Variants in MGAT4C observed in about 807,000 individuals in gnomAD.
The protein encoded by MGAT4C is MGAT4 family member C.
Under a neutral mutation model 40.1 loss-of-function variants are expected in MGAT4C, and 19 were observed. The observed-to-expected ratio is 0.47, with a 90% CI of 0.33 to 0.70. The LOEUF (loss-of-function observed/expected upper bound fraction) is 0.70. Ranked by LOEUF, MGAT4C falls within the 30% of genes least tolerant of loss-of-function variation. The pLI, the probability that MGAT4C is intolerant of heterozygous loss-of-function variation, is 0.02. For synonymous variants in MGAT4C, 181 were observed against 187.1 expected (o/e 0.97, Z 0.27); for missense variants, 491 against 563.2 (o/e 0.87, Z 1.30).
intron 3 of MGAT4C, among the ~76,000 whole-genome samples, chr12:86,363,459 T>G (rs989924174): frequency 3.3e-5 from 5 of 152,102 alleles, no homozygotes; most frequent in African/African-American, 1.2e-4. Flanking sequence ...ATGCAGCTAA[T>G]TCAGAGTTGG....
At chr12:86,025,467 C>T (rs1249566033) in intron 2 of MGAT4C, among the ~76,000 whole-genome samples, 2 of 151,560 alleles carry the variant, frequency 1.3e-5, no homozygotes, top group East Asian at 3.9e-4. Context: ...ACTTAAATTT[C>T]TATATTCAAT....
At chr12:86,696,430 T>C (rs1950260249) in intron 2 of MGAT4C, among the ~76,000 whole-genome samples, 1 of 152,070 alleles carries the variant, frequency 6.6e-6, no homozygotes, top group Admixed American at 6.6e-5. Flanking sequence ...AATAAATAAA[T>C]AATTAAGTAA....
chr12:86,433,263 T>A (rs529127335), intron 3 of MGAT4C, among the ~76,000 whole-genome samples: 1 of 151,872 alleles, frequency 6.6e-6, no homozygotes, highest in Non-Finnish European at 1.5e-5. Flanking sequence ...CACACACATA[T>A]ATTTATAACT....
chr12:86,750,602 T>C (rs1223002962), intron 1 of MGAT4C, among the ~76,000 whole-genome samples: 1 of 151,852 alleles, frequency 6.6e-6, no homozygotes, highest in African/African-American at 2.4e-5. Context: ...TTTGGGAAGA[T>C]ATTATAGTAA....
At chr12:86,070,236 C>G (rs570131788) in intron 1 of MGAT4C, among the ~76,000 whole-genome samples, 9 of 152,060 alleles carry the variant, frequency 5.9e-5, no homozygotes, top group Admixed American at 5.9e-4. Context: ...AACAGGCATT[C>G]TAATATACCT....
intron 1 of MGAT4C, among the ~76,000 whole-genome samples, chr12:86,104,421 C>T (rs1875754099): frequency 6.6e-6 from 1 of 151,962 alleles, no homozygotes; most frequent in Non-Finnish European, 1.5e-5. Context: ...GCGTAGGTGA[C>T]AGAACAAGAC....
chr12:86,696,221 A>G (rs1950256005), intron 2 of MGAT4C, among the ~76,000 whole-genome samples: 2 of 152,206 alleles, frequency 1.3e-5, no homozygotes, highest in African/African-American at 4.8e-5. Flanking sequence ...TCAGAAAAAA[A>G]AAAAGTATAA....
chr12:86,302,877 G>T (rs1221380945), intron 4 of MGAT4C, among the ~76,000 whole-genome samples: 1 of 150,724 alleles, frequency 6.6e-6, no homozygotes, highest in African/African-American at 2.5e-5. Context: ...AATTTGAATT[G>T]AGGAATGGTG....
chr12:86,376,798 G>C (rs1239359897), intron 3 of MGAT4C, among the ~76,000 whole-genome samples: 2 of 139,624 alleles, frequency 1.4e-5, no homozygotes, highest in African/African-American at 2.7e-5. Context: ...GACAGAGAGA[G>C]AGAGACAGAG....
chr12:86,459,461 G>A (rs1957559695), intron 2 of MGAT4C, among the ~76,000 whole-genome samples: 1 of 151,960 alleles, frequency 6.6e-6, no homozygotes, highest in African/African-American at 2.4e-5. Context: ...CACATAGGAA[G>A]GGTCTGCAGG....
At chr12:86,802,258 C>T (rs575264132) in intron 1 of MGAT4C, among the ~76,000 whole-genome samples, 3 of 152,012 alleles carry the variant, frequency 2.0e-5, no homozygotes, top group South Asian at 2.1e-4. Flanking sequence ...AGATTTGCTA[C>T]TCAGGTATGA....
chr12:86,528,592 G>A (rs1313631030), intron 2 of MGAT4C, among the ~76,000 whole-genome samples: 1 of 151,838 alleles, frequency 6.6e-6, no homozygotes, highest in Admixed American at 6.6e-5. Flanking sequence ...CTGATGACTG[G>A]TAGAAAATTA....
Position 86,121,988 on chromosome 12 carries a change from A to G in MGAT4C, c.-56-72265T>C, listed in dbSNP as rs1355401778. On this transcript the variant is annotated intron_variant, in intron 1 of 4. Coordinates refer to ENST00000611864, the MANE Select transcript of MGAT4C (RefSeq NM_001351288.2). Reference sequence around the variant, plus strand: ...AATAATGAACGTGAAACATTAACACAAGTATATTCTCTTTTAATTATTTGT... The same window carrying G: ...AATAATGAACGTGAAACATTAACACGAGTATATTCTCTTTTAATTATTTGT... Among the ~76,000 whole-genome samples the G allele has an allele frequency of 2.0e-5, 3 of 152,330 alleles. No individual in the cohort carries two copies. In the East Asian group the frequency reaches 5.8e-4, roughly 29 times the overall value.
chr12:86,291,106 A>T (rs1455729875), intron 4 of MGAT4C, among the ~76,000 whole-genome samples: 2 of 152,212 alleles, frequency 1.3e-5, no homozygotes, highest in African/African-American at 2.4e-5. Context: ...TCTGACTTTA[A>T]GGTGAGATAC....
chr12:86,757,030 C>A (rs540031886), intron 1 of MGAT4C, among the ~76,000 whole-genome samples: 7 of 151,934 alleles, frequency 4.6e-5, no homozygotes, highest in African/African-American at 1.2e-4. Context: ...ATATAAATTA[C>A]AGCCATAAAA....
intron 2 of MGAT4C, among the ~76,000 whole-genome samples, chr12:86,511,122 A>C (rs1958574463): frequency 1.3e-5 from 2 of 152,032 alleles, no homozygotes; most frequent in South Asian, 4.2e-4. Flanking sequence ...GTAAAAGAAC[A>C]GAAATTATAA....
chr12:86,206,740 T>C (rs1950269474), intron 1 of MGAT4C, among the ~76,000 whole-genome samples: 1 of 152,192 alleles, frequency 6.6e-6, no homozygotes, highest in Admixed American at 6.5e-5. Flanking sequence ...AGATATATTA[T>C]GTGAAAGGTA....
chr12:86,732,372 T>C (rs1420437306), intron 1 of MGAT4C, among the ~76,000 whole-genome samples: 1 of 152,158 alleles, frequency 6.6e-6, no homozygotes, highest in Non-Finnish European at 1.5e-5. Context: ...ATTACATTTA[T>C]TGCACACTTT....
chr12:86,522,543 T>C (rs2136361247), intron 2 of MGAT4C, among the ~76,000 whole-genome samples: 1 of 152,250 alleles, frequency 6.6e-6, no homozygotes, highest in South Asian at 2.1e-4. Flanking sequence ...ATCAAGGGTG[T>C]CAGTCTGAAG....
Sources: gnomAD v4.1 joint callset for allele counts (sites outside exome capture counted in the v4.1 genomes callset) on GRCh38, gnomAD v4.1.1 for gene constraint, MANE v1.5 for transcripts, NCBI Gene and HGNC (gene_info 2026-07-23, HGNC 2026-07-21) for gene names.